Variants in MAP3K6 observed in about 807,000 individuals in gnomAD.
The protein encoded by MAP3K6 is mitogen-activated protein kinase kinase kinase 6.
In MAP3K6, 105 loss-of-function variants were observed where a neutral mutation model predicts 147.1. The observed-to-expected ratio is 0.71, with a 90% CI of 0.61 to 0.84. MAP3K6 has a LOEUF of 0.84. Ranked by LOEUF, MAP3K6 falls within the 40% of genes least tolerant of loss-of-function variation. MAP3K6 has a pLI of 0.00. For missense variants in MAP3K6, 1,569 were observed against 1,715.0 expected, an observed-to-expected ratio of 0.91 and a Z score of 1.50; for synonymous variants, 695 against 732.4, an observed-to-expected ratio of 0.95 and a Z score of 0.82.
chr1:27,355,510 C>T (rs2015487576), intron 28 of MAP3K6, 41 bp from the exon 29 acceptor site: 1 of 1,603,690 alleles, frequency 6.2e-7, no homozygotes. Flanking sequence ...CAGAAGGTGG[C>T]CCTGGACTCT....
rs551405268 is a variant in MAP3K6, at chr1:27,355,518, T to C, written c.3789-49A>G. ...GCTCAGCCAGAAGGTGGCCCTGGAC[T>C]CTATCTTGCACACACTGTCTGCCCA... is the stretch of plus-strand genomic sequence containing the variant. On this transcript the variant is annotated intron_variant, in intron 28 of 28. Transcript: ENST00000357582. 41 of 1,597,874 alleles carry C rather than the reference T, an allele frequency of 2.6e-5. 1 individual carries two copies. The South Asian group carries it at 4.3e-4, about 17-fold the overall frequency.
At chr1:27,356,831 C>T (rs1004678792) in intron 24 of MAP3K6, 82 bp from the exon 25 acceptor site, 3 of 1,497,024 alleles carry the variant, frequency 2.0e-6, no homozygotes, top group Non-Finnish European at 2.7e-6. Context: ...GGGTAGGGTG[C>T]CCGGCTCTGG....
At chr1:27,361,968 C>A in intron 9 of MAP3K6, 101 bp from the exon 10 acceptor site, 1 of 1,505,970 alleles carries the variant, frequency 6.6e-7, no homozygotes, top group South Asian at 1.3e-5. Flanking sequence ...GCATGGGGTG[C>A]CACGGGCACT....
At position 27,359,713 on chromosome 1, in the gene MAP3K6, C is replaced by G. The variant is rs762032405; in HGVS notation, c.2319+145G>C. The G allele has an allele frequency of 8.7e-4, 1,225 of 1,403,282 alleles. 3 individuals carry two copies. Among genetic ancestry groups the G allele is most frequent in the Non-Finnish European group, 1.1e-3 (1,158 of 1,031,956 alleles). The allele number at this position is 1,403,282 out of a possible 1,614,324, so 86.9% of individuals were successfully genotyped here. On this transcript the variant is annotated intron_variant, in intron 17 of 28. Coordinates refer to ENST00000357582, the MANE Select transcript of MAP3K6 (RefSeq NM_004672.5). This position sits in a 1 kb window ranked among gnomAD's most constrained non-coding sequence, Gnocchi z 4.4. Reference sequence around the variant, plus strand: ...GGCTTCAGAGCTGAACCTTTCCCCTCCTTCTCTAAGGAGCCTCCCTGATGA... The same window carrying G: ...GGCTTCAGAGCTGAACCTTTCCCCTGCTTCTCTAAGGAGCCTCCCTGATGA...
chr1:27,362,323 C>T lies in MAP3K6; in HGVS notation c.1256-73G>A, dbSNP rs41309280. On this transcript the variant is annotated intron_variant, in intron 8 of 28. Transcript: ENST00000357582. ...GTGAGGCCCACCATTTCTGTGGGCC[C>T]GAGTGTGGACATGAACATAGATATG... The T allele has an allele frequency of 0.033, 47,160 of 1,447,968 alleles. 906 individuals carry two copies. The highest frequency in any genetic ancestry group is 0.038 in the Non-Finnish European group (40,673 of 1,066,052). The allele number at this position is 1,447,968 out of a possible 1,614,324, so 89.7% of individuals were successfully genotyped here.
intron 24 of MAP3K6, 78 bp downstream of exon 24, chr1:27,356,931 C>A: frequency 2.0e-6 from 3 of 1,492,220 alleles, no homozygotes; most frequent in South Asian, 1.2e-5. Context: ...TGGCCCCCAC[C>A]GGCCCCATTC....
chr1:27,360,701 G>A lies in MAP3K6; in HGVS notation c.2054+4C>T, dbSNP rs1392248961. The A allele has an allele frequency of 2.5e-6, 4 of 1,604,700 alleles. No individual in the cohort carries two copies. In the East Asian group the frequency reaches 6.8e-5, roughly 27 times the overall value. On this transcript the variant is annotated splice_donor_region_variant and intron_variant, in intron 15 of 28. Coordinates refer to ENST00000357582, the MANE Select transcript of MAP3K6 (RefSeq NM_004672.5). The surrounding 1 kb of genome is among the most constrained non-coding windows in gnomAD (Gnocchi z 4.5). ...AGCCCCACCCGCGCTGCCACGCACC[G>A]CACCTGCTGTCCCGCTCCGGGATCT...
In MAP3K6 at chr1:27,360,743, C is replaced by T. The variant is rs2015720393; in HGVS notation, c.2016G>A (p.Val672=). ...VYAGRDRHTR[V]RIAIKEIPER... The stretch of plus-strand genomic sequence containing the variant: ...CCGGGATCTCCTTGATGGCGATGCG[C>T]ACCCTCGTGTGGCGATCGCGGCCCG... The change falls in exon 15 of 29, where the codon GTG becomes GTA. Residue 672 remains valine, a synonymous_variant. Coordinates refer to ENST00000357582, the MANE Select transcript of MAP3K6 (RefSeq NM_004672.5). The surrounding 1 kb of genome is among the most constrained non-coding windows in gnomAD (Gnocchi z 4.5). 6.2e-7 allele frequency: 1 copy of T among 1,612,614 alleles called. No homozygotes were observed. Among genetic ancestry groups the T allele is most frequent in the Non-Finnish European group, 8.5e-7 (1 of 1,179,818 alleles).
At position 27,360,176 on chromosome 1, in the gene MAP3K6, C is replaced by A. The variant is rs2015693228; in HGVS notation, c.2182+65G>T. 3 of 1,601,048 alleles carry A rather than the reference C, an allele frequency of 1.9e-6. No individual in the cohort carries two copies. The highest frequency in any genetic ancestry group is 2.7e-5 in the African/African-American group (2 of 74,722). On this transcript the variant is annotated intron_variant, in intron 16 of 28. Coordinates refer to ENST00000357582, the MANE Select transcript of MAP3K6 (RefSeq NM_004672.5). The surrounding 1 kb of genome is among the most constrained non-coding windows in gnomAD (Gnocchi z 4.5). ...TGCATTTCCCCCTAGGGCTCTCTAC[C>A]CCTGCCTGCCTCGGTCCCATGCTTC...
chr1:27,360,815 C>T lies in MAP3K6; in HGVS notation c.1944G>A (p.Thr648=), dbSNP rs757463630. 2.5e-6 allele frequency: 4 copies of T among 1,612,870 alleles called. No homozygotes were observed. The highest frequency in any genetic ancestry group is 1.7e-5 in the Admixed American group (1 of 60,020). ...CCTTGCCCAGCACCAGCCGCTCGCC[C>T]GTCTCCGTGTACTCATAATCAAACT... ...MLEFDYEYTE[T]GERLVLGKGT... The change falls in exon 15 of 29, where the codon ACG becomes ACA. Residue 648 remains threonine (T), a synonymous_variant. Coordinates refer to ENST00000357582, the MANE Select transcript of MAP3K6 (RefSeq NM_004672.5). This position sits in a 1 kb window ranked among gnomAD's most constrained non-coding sequence, Gnocchi z 4.5.
Position 27,357,741 on chromosome 1 carries a change from C to A in MAP3K6, c.3051G>T (p.Glu1017Asp). 1 of 1,611,926 alleles carries A rather than the reference C, an allele frequency of 6.2e-7. No individual in the cohort carries two copies. The highest frequency in any genetic ancestry group is 8.5e-7 in the Non-Finnish European group (1 of 1,179,874). The change falls in exon 22 of 29, where the codon GAG (glutamate) becomes GAT (aspartate). Residue 1017 changes from glutamate to aspartate, a missense_variant. Glu to Asp is a conservative substitution (Grantham distance 45, BLOSUM62 2). Coordinates refer to ENST00000357582, the MANE Select transcript of MAP3K6 (RefSeq NM_004672.5). The stretch of plus-strand genomic sequence containing the variant: ...CTTGCTTCTGCTCCTGGTGCAGATT[C>A]TCCGCCAGCGCTGGCAGCTCCTGCT... ...VLEQELPALAENLHQEQKQEQ... is the reference protein window; with the variant it reads ...VLEQELPALADNLHQEQKQEQ...
rs748436392 is a variant in MAP3K6, at chr1:27,356,589, CCGATCAGTCTCTG to C, written c.3512_3524del (p.Ala1171GlyfsTer24). 3 of 1,612,272 alleles carry C rather than the reference CCGATCAGTCTCTG, an allele frequency of 1.9e-6. No homozygotes were observed. The East Asian group carries it at 6.7e-5, about 36-fold the overall frequency. ...CTATGAGCGATTCCAAGGGGCTTTA[CCGATCAGTCTCTG>C]CCCTCAAGAGGCTCAGCTGCACCAT... is the stretch of plus-strand genomic sequence containing the variant. On this transcript the variant is annotated frameshift_variant and splice_region_variant, in exon 25 of 29. Transcript: ENST00000357582. LOFTEE classifies it high-confidence loss of function.
At chr1:27,361,081 G>A in intron 13 of MAP3K6, 73 bp from the exon 14 acceptor site, 1 of 1,537,680 alleles carries the variant, frequency 6.5e-7, no homozygotes, top group African/African-American at 1.4e-5. Context: ...TCCAACGGAC[G>A]TCGTCCCTTT....
chr1:27,363,774 A>G (rs1191438757), intron 5 of MAP3K6, 143 bp downstream of exon 5: 1 of 914,544 alleles, frequency 1.1e-6, no homozygotes, highest in Non-Finnish European at 1.6e-6. Context: ...CATCCTCTCT[A>G]ACAAATAAGG....
chr1:27,360,776 C>T lies in MAP3K6; in HGVS notation c.1983G>A (p.Val661=), dbSNP rs769286392. 6.2e-7 allele frequency: 1 copy of T among 1,612,598 alleles called. No individual in the cohort carries two copies. The highest frequency in any genetic ancestry group is 1.1e-5 in the South Asian group (1 of 91,086). ...TGTGGCGATCGCGGCCCGCGTACAC[C>T]ACCCCATACGTGCCCTTGCCCAGCA... ...RLVLGKGTYG[V]VYAGRDRHTR... is the part of the protein sequence containing the mutation. The change falls in exon 15 of 29, where the codon GTG becomes GTA. Residue 661 remains valine (V), a synonymous_variant. Coordinates refer to ENST00000357582, the MANE Select transcript of MAP3K6 (RefSeq NM_004672.5). The surrounding 1 kb of genome is among the most constrained non-coding windows in gnomAD (Gnocchi z 4.5).
chr1:27,362,056 C>G, intron 9 of MAP3K6, 35 bp downstream of exon 9: 1 of 1,585,658 alleles, frequency 6.3e-7, no homozygotes, highest in South Asian at 1.2e-5. Flanking sequence ...GCTGACAGCC[C>G]AGGTCAGGCC....
intron 8 of MAP3K6, 151 bp downstream of exon 8, chr1:27,362,490 G>A (rs2015815388): frequency 1.4e-6 from 1 of 730,242 alleles, no homozygotes; most frequent in African/African-American, 1.8e-5. Context: ...GCCCAGAACA[G>A]GTATGAGGAC....
chr1:27,358,242 AGGGTGCCTGAGGGCAC>A lies in MAP3K6; in HGVS notation c.2838_2853del (p.Cys947LeufsTer40). The A allele has an allele frequency of 4.4e-6, 7 of 1,599,452 alleles. No individual in the cohort carries two copies. Among genetic ancestry groups the A allele is most frequent in the Non-Finnish European group, 6.0e-6 (7 of 1,176,180 alleles). On this transcript the variant is annotated frameshift_variant, in exon 21 of 29. Coordinates refer to ENST00000357582, the MANE Select transcript of MAP3K6 (RefSeq NM_004672.5). LOFTEE classifies it high-confidence loss of function. The surrounding 1 kb of genome is among the most constrained non-coding windows in gnomAD (Gnocchi z 6.2). ...TTCGGGGGGCTGGGTGGGTGCTGAGAGGGTGCCTGAGGGCACGGGAATGTCTGAGACTGGGTGGTTG... is the reference window on the plus strand; with the variant it reads ...TTCGGGGGGCTGGGTGGGTGCTGAGAGGGAATGTCTGAGACTGGGTGGTTG...
rs1571064580 is a variant in MAP3K6, at chr1:27,358,408, C to A, written c.2776+11G>T. On this transcript the variant is annotated intron_variant, in intron 20 of 28. Transcript: ENST00000357582. The surrounding 1 kb of genome is among the most constrained non-coding windows in gnomAD (Gnocchi z 6.2). ...GCCCTCCACTGTGCCCATCCCGCCA[C>A]CCGCAAGCACCTGAGGGCCGTGGAG... 1 of 1,582,412 alleles carries A rather than the reference C, an allele frequency of 6.3e-7. No homozygotes were observed.
Sources: gnomAD v4.1 joint callset for allele counts on GRCh38, gnomAD v4.1.1 for gene constraint, Gnocchi (gnomAD v3.1) non-coding constraint, MANE v1.5 for transcripts, NCBI Gene and HGNC (gene_info 2026-07-23, HGNC 2026-07-21) for gene names.